The following AGGF1 variants were observed in gnomAD, a reference collection of about 807,000 sequenced individuals.
AGGF1 encodes the protein angiogenic factor with G patch and FHA domains 1.
Under a neutral mutation model 86.5 loss-of-function variants are expected in AGGF1, and 56 were observed. The observed-to-expected ratio is 0.65, with a 90% CI of 0.52 to 0.81. The LOEUF (loss-of-function observed/expected upper bound fraction) is 0.81, where lower values mean the gene tolerates loss of function less well. AGGF1 is among the 30% of genes least tolerant of loss of function. AGGF1 has a pLI of 0.00. For synonymous variants in AGGF1, 313 were observed against 297.1 expected (o/e 1.05, Z -0.55); for missense variants, 816 against 850.9 (o/e 0.96, Z 0.51).
At position 77,063,704 on chromosome 5, in the gene AGGF1, A is replaced by G. The variant is rs754992356; in HGVS notation, c.*452A>G. On this transcript the variant is annotated 3_prime_UTR_variant, in exon 14 of 14. Coordinates refer to ENST00000312916, the MANE Select transcript of AGGF1 (RefSeq NM_018046.5). ...ATTCCCTTTAGAACCTAGGTAAAAA[A>G]TGTTGCGAAAACATGGGTAGTGGCG... The G allele has an allele frequency of 3.6e-5, 6 of 166,218 alleles. No individual in the cohort carries two copies. Among genetic ancestry groups the G allele is most frequent in the Non-Finnish European group, 7.8e-5 (6 of 76,602 alleles). 10.3% of individuals were successfully genotyped at this position (166,218 alleles called of 1,614,324 possible). A position where few individuals can be genotyped will look rare whatever the true frequency, so the allele number is the denominator to read the frequency against.
chr5:77,036,817 A>T, intron 4 of AGGF1, 97 bp downstream of exon 4: 1 of 1,337,432 alleles, frequency 7.5e-7, no homozygotes, highest in South Asian at 1.2e-5. Flanking sequence ...AGCTCACTGC[A>T]ACTTTCACCC....
At chr5:77,034,826 G>C (rs553695453) in intron 2 of AGGF1, among the ~76,000 whole-genome samples, 3 of 151,712 alleles carry the variant, frequency 2.0e-5, no homozygotes, top group African/African-American at 7.2e-5. Context: ...TTGTGACCAG[G>C]GGCATTTGTT....
intron 4 of AGGF1, 140 bp downstream of exon 4, chr5:77,036,860 C>T: frequency 1.1e-6 from 1 of 927,808 alleles, no homozygotes; most frequent in Non-Finnish European, 1.7e-6. Context: ...GTCTCAGCAT[C>T]CCAAGTAGCT....
At chr5:77,057,664 C>T (rs1250314471) in intron 11 of AGGF1, among the ~76,000 whole-genome samples, 1 of 152,186 alleles carries the variant, frequency 6.6e-6, no homozygotes, top group East Asian at 1.9e-4. Flanking sequence ...GAAACCAACC[C>T]CCAAAGCTCA....
At chr5:77,031,097 A>C in intron 1 of AGGF1, 121 bp downstream of exon 1, 1 of 1,059,322 alleles carries the variant, frequency 9.4e-7, no homozygotes. Flanking sequence ...CTTAAAGTAA[A>C]TAAGTAGAAG....
At position 77,063,356 on chromosome 5, in the gene AGGF1, G is replaced by A. The variant is rs1747602408; in HGVS notation, c.*104G>A. ...AGCAGCACAGGGGAACTATGTCACA[G>A]TTTACCTCTTCCTGATTCAGAAATG... On this transcript the variant is annotated 3_prime_UTR_variant, in exon 14 of 14. Coordinates refer to ENST00000312916, the MANE Select transcript of AGGF1 (RefSeq NM_018046.5). The A allele has an allele frequency of 1.7e-6, 2 of 1,163,858 alleles. No homozygotes were observed. The highest frequency in any genetic ancestry group is 2.5e-6 in the Non-Finnish European group (2 of 813,196). The allele number at this position is 1,163,858 out of a possible 1,614,324, so 72.1% of individuals were successfully genotyped here.
intron 8 of AGGF1, among the ~76,000 whole-genome samples, chr5:77,051,030 G>T (rs1344510290): frequency 6.6e-6 from 1 of 152,156 alleles, no homozygotes; most frequent in Non-Finnish European, 1.5e-5. Context: ...TTGGAATAGG[G>T]TTTGGCAGTA....
chr5:77,061,874 C>T (rs1580138381), intron 13 of AGGF1, 72 bp downstream of exon 13: 12 of 1,437,080 alleles, frequency 8.4e-6, no homozygotes, highest in South Asian at 3.4e-5. Flanking sequence ...ATGTGCCAAA[C>T]GTTGCCTTAA....
At chr5:77,053,820 C>T (rs965818464) in intron 9 of AGGF1, 145 bp from the exon 10 acceptor site, 9 of 806,168 alleles carry the variant, frequency 1.1e-5, no homozygotes, top group Middle Eastern at 3.6e-4. Flanking sequence ...GAAGTGTGTG[C>T]ATGTGTGTAT....
chr5:77,056,297 C>G (rs1220505231), intron 11 of AGGF1, among the ~76,000 whole-genome samples: 1 of 138,280 alleles, frequency 7.2e-6, no homozygotes, highest in Non-Finnish European at 1.5e-5. Context: ...GGCACAATCT[C>G]AGCTCACTGC....
At chr5:77,043,948 C>T (rs1304221440) in intron 5 of AGGF1, among the ~76,000 whole-genome samples, 2 of 137,000 alleles carry the variant, frequency 1.5e-5, no homozygotes, top group African/African-American at 2.7e-5. Context: ...GATGGGGCGG[C>T]GGGGCAGAGG....
Position 77,055,496 on chromosome 5 carries a change from A to T in AGGF1, c.1634-18A>T. 1 of 1,560,304 alleles carries T rather than the reference A, an allele frequency of 6.4e-7. No homozygotes were observed. On this transcript the variant is annotated intron_variant, in intron 10 of 13. Transcript: ENST00000312916. ...CAGATTTAGTGGCTTTTTTTTAACC[A>T]AACTTTTTTTCTTTCAGTTGGTCCA... is the stretch of plus-strand genomic sequence containing the variant.
intron 4 of AGGF1, among the ~76,000 whole-genome samples, chr5:77,039,181 A>C (rs1747019451): frequency 1.3e-5 from 2 of 152,062 alleles, no homozygotes; most frequent in Non-Finnish European, 2.9e-5. Flanking sequence ...TGCTTGCTTT[A>C]GTTTTCATGC....
chr5:77,045,117 A>G (rs1334139899), intron 5 of AGGF1, among the ~76,000 whole-genome samples: 1 of 152,154 alleles, frequency 6.6e-6, no homozygotes, highest in Non-Finnish European at 1.5e-5. Flanking sequence ...TATTTTATAA[A>G]ATAACAGAAG....
chr5:77,051,857 C>T (rs1259971175), intron 8 of AGGF1, among the ~76,000 whole-genome samples: 1 of 152,130 alleles, frequency 6.6e-6, no homozygotes, highest in Non-Finnish European at 1.5e-5. Flanking sequence ...CAATGGATTA[C>T]CATTCAGCAA....
At chr5:77,037,526 A>G (rs1240501258) in intron 4 of AGGF1, among the ~76,000 whole-genome samples, 1 of 152,138 alleles carries the variant, frequency 6.6e-6, no homozygotes, top group Non-Finnish European at 1.5e-5. Context: ...ACTCCTTGTA[A>G]TCCTAGCACT....
In AGGF1 at chr5:77,030,606, A is replaced by G. The variant is rs1391160321; in HGVS notation, c.-161A>G. On this transcript the variant is annotated 5_prime_UTR_variant, in exon 1 of 14. Coordinates refer to ENST00000312916, the MANE Select transcript of AGGF1 (RefSeq NM_018046.5). ...GTTGCTCGCAGCCCCGTTCGGCTAC[A>G]AGTGAGTTTCAGGGCGTCATGGCCA... 9 of 818,516 alleles carry G rather than the reference A, an allele frequency of 1.1e-5. No individual in the cohort carries two copies. The South Asian group carries it at 1.2e-4, about 11-fold the overall frequency. 50.7% of individuals were successfully genotyped at this position (818,516 alleles called of 1,614,324 possible). A position where few individuals can be genotyped will look rare whatever the true frequency, so the allele number is the denominator to read the frequency against.
chr5:77,052,163 G>A (rs1272215320), intron 8 of AGGF1, among the ~76,000 whole-genome samples: 1 of 151,976 alleles, frequency 6.6e-6, no homozygotes, highest in Admixed American at 6.6e-5. Flanking sequence ...GACCAGCCTG[G>A]GCAACATGGT....
chr5:77,034,597 A>C, intron 2 of AGGF1, 77 bp downstream of exon 2: 2 of 1,017,664 alleles, frequency 2.0e-6, no homozygotes, highest in Non-Finnish European at 1.6e-6. Context: ...TTTTAATTTA[A>C]AATAAACAAA....
Sources: gnomAD v4.1 joint callset for allele counts (sites outside exome capture counted in the v4.1 genomes callset) on GRCh38, gnomAD v4.1.1 for gene constraint, MANE v1.5 for transcripts, NCBI Gene and HGNC (gene_info 2026-07-23, HGNC 2026-07-21) for gene names.